Variants in LRP6 observed in about 807,000 individuals in gnomAD.
The protein encoded by LRP6 is LDL receptor related protein 6, also known as low-density lipoprotein receptor-related protein 6.
Under a neutral mutation model 184.1 loss-of-function variants are expected in LRP6, and 43 were observed. The observed-to-expected ratio is 0.23, with a 90% CI of 0.18 to 0.30. The LOEUF (loss-of-function observed/expected upper bound fraction) is 0.30. LRP6 is among the 10% of genes least tolerant of loss of function. LRP6 has a pLI of 1.00. For synonymous variants in LRP6, 719 were observed against 684.9 expected, an observed-to-expected ratio of 1.05 and a Z score of -0.78; for missense variants, 1,571 against 2,005.3, an observed-to-expected ratio of 0.78 and a Z score of 4.14.
At chr12:12,237,860 GA>G (rs1465413071) in intron 2 of LRP6, among the ~76,000 whole-genome samples, 1 of 152,204 alleles carries the variant, frequency 6.6e-6, no homozygotes, top group Non-Finnish European at 1.5e-5. Flanking sequence ...CCAGAGAAAG[GA>G]CTAATGGGGA....
chr12:12,264,816 T>C (rs931690074), intron 1 of LRP6, among the ~76,000 whole-genome samples: 1 of 152,226 alleles, frequency 6.6e-6, no homozygotes, highest in African/African-American at 2.4e-5. Flanking sequence ...AAGACCACCT[T>C]ACACCATATT....
intron 1 of LRP6, among the ~76,000 whole-genome samples, chr12:12,253,680 T>C (rs1304227352): frequency 1.3e-5 from 2 of 151,342 alleles, no homozygotes; most frequent in Non-Finnish European, 2.9e-5. Context: ...GGTGTTTGGT[T>C]TTTCGTCCTT....
chr12:12,251,996 C>T (rs968350931), intron 1 of LRP6, among the ~76,000 whole-genome samples: 8 of 152,032 alleles, frequency 5.3e-5, no homozygotes, highest in African/African-American at 1.5e-4. Context: ...TGGGCTCAAA[C>T]GATCCTCCTG....
At chr12:12,139,043 C>T (rs1423418625) in intron 15 of LRP6, 1 of 1,274,216 alleles carries the variant, frequency 7.8e-7, no homozygotes, top group East Asian at 5.6e-5. Flanking sequence ...GCAACTTCTG[C>T]TATTGTTGCA....
intron 15 of LRP6, among the ~76,000 whole-genome samples, chr12:12,145,346 AG>A: frequency 6.6e-6 from 1 of 152,214 alleles, no homozygotes; most frequent in East Asian, 1.9e-4. Context: ...TGTGAAAAAA[AG>A]ATTAAAATAA....
chr12:12,159,966 TA>T lies in LRP6; in HGVS notation c.2280-3del. The T allele has an allele frequency of 1.9e-6, 3 of 1,594,138 alleles. No individual in the cohort carries two copies. The highest frequency in any genetic ancestry group is 2.6e-6 in the Non-Finnish European group (3 of 1,167,932). On this transcript the variant is annotated splice_polypyrimidine_tract_variant and splice_region_variant and intron_variant, in intron 10 of 22. Transcript: ENST00000261349. ...CCCCATTCAGTCCAATACATAAATC[TA>T]AATTCAAAATAATAAATATTTAACA...
At chr12:12,136,549 T>C (rs959468331) in intron 16 of LRP6, among the ~76,000 whole-genome samples, 1 of 152,240 alleles carries the variant, frequency 6.6e-6, no homozygotes, top group Non-Finnish European at 1.5e-5. Flanking sequence ...TAAAGAATCA[T>C]TGTTTGGAAT....
chr12:12,199,964 CAAAAAAAAAAAAAAAAA>C (rs146224493), intron 3 of LRP6, among the ~76,000 whole-genome samples: 20 of 45,176 alleles, frequency 4.4e-4, no homozygotes, highest in Admixed American at 2.0e-3. Context: ...GACTCCATCT[CAAAAAAAAAAAAAAAAA>C]AAAAAAAAAA....
intron 2 of LRP6, among the ~76,000 whole-genome samples, chr12:12,204,352 A>G (rs1446463402): frequency 6.6e-6 from 1 of 151,908 alleles, no homozygotes; most frequent in East Asian, 1.9e-4. Context: ...GAGATATGAT[A>G]ACTACATCAA....
intron 12 of LRP6, among the ~76,000 whole-genome samples, chr12:12,152,321 C>T (rs575431439): frequency 2.4e-4 from 37 of 152,086 alleles, no homozygotes; most frequent in Admixed American, 5.2e-4. Context: ...CTTTATCAAC[C>T]GCATGAAAAT....
chr12:12,154,759 T>C (rs558599777), intron 12 of LRP6, among the ~76,000 whole-genome samples: 1 of 152,184 alleles, frequency 6.6e-6, no homozygotes, highest in Non-Finnish European at 1.5e-5. Flanking sequence ...CTTGTAGCTA[T>C]GATTTTGAAA....
At chr12:12,125,732 A>T (rs566393789) in intron 20 of LRP6, among the ~76,000 whole-genome samples, 15 of 152,260 alleles carry the variant, frequency 9.9e-5, no homozygotes, top group South Asian at 2.1e-4. Flanking sequence ...CTCTTGGAGG[A>T]TTTGAAAGGA....
rs150953975 is a variant in LRP6 at position 12,257,158 on chromosome 12, G to A, written c.55+9523C>T. 3.3e-5 allele frequency among the ~76,000 whole-genome samples: 5 copies of A among 152,254 alleles called. 1 individual carries two copies. The highest frequency in any genetic ancestry group is 9.6e-5 in the African/African-American group (4 of 41,552). ...TTTGAGGGAGCAGGGGATGATAAGC[G>A]TTCTGGAATGAGATAGTGGTGATGT... On this transcript the variant is annotated intron_variant, in intron 1 of 22. Transcript: ENST00000261349.
rs1334062234 is a variant in LRP6, at chr12:12,205,325, C to CAA, written c.450-1927_450-1926dup. ...CAACAGAATAAGACTCTGTCTCAAACAAACAAAAAAAAAAAAAAAAAAAAA... is the reference window on the plus strand; with the variant it reads ...CAACAGAATAAGACTCTGTCTCAAACAAAAACAAAAAAAAAAAAAAAAAAAAA... On this transcript the variant is annotated intron_variant, in intron 2 of 22. Coordinates refer to ENST00000261349, the MANE Select transcript of LRP6 (RefSeq NM_002336.3). Among the ~76,000 whole-genome samples, 64 of 26,240 alleles carry CAA rather than the reference C, an allele frequency of 2.4e-3. 1 individual carries two copies. Among genetic ancestry groups the CAA allele is most frequent in the African/African-American group, 4.5e-3 (47 of 10,476 alleles). 17.2% of individuals were successfully genotyped at this position (26,240 alleles called of 152,430 possible). A position where few individuals can be genotyped will look rare whatever the true frequency, so the allele number is the denominator to read the frequency against.
At chr12:12,148,729 A>G (rs1001948255) in intron 14 of LRP6, among the ~76,000 whole-genome samples, 2 of 152,190 alleles carry the variant, frequency 1.3e-5, no homozygotes, top group African/African-American at 4.8e-5. Context: ...ACTTAGAATT[A>G]AAGCACTAGT....
In LRP6 at chr12:12,266,891, G is replaced by A. The variant is rs954082976; in HGVS notation, c.-156C>T. On this transcript the variant is annotated 5_prime_UTR_variant, in exon 1 of 23. Transcript: ENST00000261349. The stretch of plus-strand genomic sequence containing the variant: ...AGAAAGGGGCACGTCAAGGTTCCGC[G>A]CGCGCCGCCGCCGCCCTCTCTACCG... The A allele has an allele frequency of 2.3e-5, 16 of 698,604 alleles. No individual in the cohort carries two copies. In the East Asian group the frequency reaches 3.8e-4, roughly 17 times the overall value. The allele number at this position is 698,604 out of a possible 1,614,324, so 43.3% of individuals were successfully genotyped here.
chr12:12,229,928 A>AT (rs1864737444), intron 2 of LRP6, among the ~76,000 whole-genome samples: 1 of 152,250 alleles, frequency 6.6e-6, no homozygotes, highest in African/African-American at 2.4e-5. Flanking sequence ...TTAAATAAAT[A>AT]TATGTGGTCA....
chr12:12,145,629 T>TC (rs1382747702), intron 15 of LRP6, among the ~76,000 whole-genome samples: 29 of 41,078 alleles, frequency 7.1e-4, no homozygotes, highest in Admixed American at 4.3e-3. Flanking sequence ...TTTTTCTTTT[T>TC]TTTTTTTTTT....
intron 2 of LRP6, among the ~76,000 whole-genome samples, chr12:12,234,770 G>C (rs979245947): frequency 1.3e-5 from 2 of 151,808 alleles, no homozygotes; most frequent in Admixed American, 6.6e-5. Flanking sequence ...TGCAGAGGTT[G>C]CAATGAGCCA....
Sources: gnomAD v4.1 joint callset for allele counts (sites outside exome capture counted in the v4.1 genomes callset) on GRCh38, gnomAD v4.1.1 for gene constraint, MANE v1.5 for transcripts, NCBI Gene and HGNC (gene_info 2026-07-23, HGNC 2026-07-21) for gene names.